ALDH5A1: variants seen among roughly 807,000 people sequenced by gnomAD.
ALDH5A1 encodes the protein aldehyde dehydrogenase 5 family member A1.
A neutral mutation model predicts 54.7 loss-of-function variants in ALDH5A1; 33 were observed. That is an observed-to-expected ratio of 0.60 (90% CI 0.46 to 0.81). ALDH5A1 has a LOEUF of 0.81. Among genes scored for constraint, ALDH5A1 ranks in the 30% least tolerant of loss-of-function variants. The pLI, the probability that ALDH5A1 is intolerant of heterozygous loss-of-function variation, is 0.00. For missense variants in ALDH5A1, 657 were observed against 711.0 expected (o/e 0.92, Z 0.86); for synonymous variants, 294 against 292.7 (o/e 1.00, Z -0.05).
chr6:24,519,104 GTTTTT>G (rs1759627675), intron 5 of ALDH5A1, among the ~76,000 whole-genome samples: 1 of 151,856 alleles, frequency 6.6e-6, no homozygotes, highest in South Asian at 2.1e-4. Context: ...GTTTTGTTTT[GTTTTT>G]GAGATGGAGT....
At chr6:24,531,310 G>C (rs1487718045) in intron 8 of ALDH5A1, among the ~76,000 whole-genome samples, 1 of 152,144 alleles carries the variant, frequency 6.6e-6, no homozygotes, top group African/African-American at 2.4e-5. Context: ...ATGTGAACTG[G>C]ACATTTTCAC....
intron 4 of ALDH5A1, among the ~76,000 whole-genome samples, chr6:24,512,596 T>C (rs2744590): frequency 3.9e-4 from 60 of 152,382 alleles, no homozygotes; most frequent in African/African-American, 1.3e-3. Context: ...GTTGTTCTTT[T>C]GTGTCTTGAT....
intron 1 of ALDH5A1, among the ~76,000 whole-genome samples, chr6:24,495,973 G>A (rs1317546497): frequency 1.3e-5 from 2 of 152,150 alleles, no homozygotes; most frequent in African/African-American, 4.8e-5. Flanking sequence ...GGGAGTAAGG[G>A]GTGGAGGGCC....
chr6:24,503,307 C>T lies in ALDH5A1; in HGVS notation c.483C>T (p.Ala161=). ...KEAHGEILYS[A]FFLEWFSEEA... Reference sequence around the variant, plus strand: ...CACATGGAGAAATTCTCTATTCCGCCTTTTTCCTAGAGTGGTTCTCTGAGG... The same window carrying T: ...CACATGGAGAAATTCTCTATTCCGCTTTTTTCCTAGAGTGGTTCTCTGAGG... Residue 161 remains alanine (A), a synonymous_variant, in exon 3 of 10, where the codon GCC becomes GCT. Transcript: ENST00000357578. The T allele has an allele frequency of 1.2e-6, 2 of 1,614,084 alleles. No homozygotes were observed. The highest frequency in any genetic ancestry group is 1.1e-5 in the South Asian group (1 of 91,074).
intron 8 of ALDH5A1, among the ~76,000 whole-genome samples, chr6:24,531,601 T>C (rs185539897): frequency 8.5e-5 from 13 of 152,302 alleles, no homozygotes; most frequent in Non-Finnish European, 1.5e-4. Context: ...GAAATAAAAT[T>C]TTAAAGCTAG....
intron 3 of ALDH5A1, 137 bp downstream of exon 3, chr6:24,503,570 G>A: frequency 1.9e-6 from 2 of 1,032,414 alleles, no homozygotes; most frequent in Non-Finnish European, 2.8e-6. Context: ...TGCTTTTGCT[G>A]GATGTGGAAG....
At position 24,509,038 on chromosome 6, in the gene ALDH5A1, T is replaced by C. The variant is rs998719790; in HGVS notation, c.726+4053T>C. Reference sequence around the variant, plus strand: ...TTAGTCCTTTGTCAGATGTATAGATTGTGAAGACTTTCTCCTGCTCTGTGG... The same window carrying C: ...TTAGTCCTTTGTCAGATGTATAGATCGTGAAGACTTTCTCCTGCTCTGTGG... On this transcript the variant is annotated intron_variant, in intron 4 of 9. Coordinates refer to ENST00000357578, the MANE Select transcript of ALDH5A1 (RefSeq NM_001080.3). This position sits in a 1 kb window ranked among gnomAD's most constrained non-coding sequence, Gnocchi z 4.7. 6.6e-6 allele frequency among the ~76,000 whole-genome samples: 1 copy of C among 152,224 alleles called. No homozygotes were observed. The highest frequency in any genetic ancestry group is 1.5e-5 in the Non-Finnish European group (1 of 68,038).
chr6:24,521,579 A>G (rs79257782), intron 6 of ALDH5A1, among the ~76,000 whole-genome samples: 4,128 of 152,338 alleles, frequency 0.027, 108 homozygotes, highest in African/African-American at 0.076. Context: ...TTCTCTATCA[A>G]ATAATTTTCA....
rs151057022 is a variant in ALDH5A1, at chr6:24,497,092, G to A, written c.354+1742G>A. Among the ~76,000 whole-genome samples the A allele has an allele frequency of 4.2e-3, 637 of 152,252 alleles. 8 individuals are homozygous for A. Among genetic ancestry groups the A allele is most frequent in the African/African-American group, 0.013 (553 of 41,538 alleles). ...GTGTTACAGCTCTTAAAGATGGCATGGACCCAAAGAATGAGTGGTAGCAAC... is the reference window on the plus strand; with the variant it reads ...GTGTTACAGCTCTTAAAGATGGCATAGACCCAAAGAATGAGTGGTAGCAAC... On this transcript the variant is annotated intron_variant, in intron 1 of 9. Coordinates refer to ENST00000357578, the MANE Select transcript of ALDH5A1 (RefSeq NM_001080.3).
rs1204957269 is a variant in ALDH5A1, at chr6:24,509,800, A to G, written c.726+4815A>G. On this transcript the variant is annotated intron_variant, in intron 4 of 9. Transcript: ENST00000357578. The surrounding 1 kb of genome is among the most constrained non-coding windows in gnomAD (Gnocchi z 4.7). Reference sequence around the variant, plus strand: ...TTGTATTTTTGTTTATTTCTATTTCATTTAGTTCTGCTCTGATCTTGGTTA... The same window carrying G: ...TTGTATTTTTGTTTATTTCTATTTCGTTTAGTTCTGCTCTGATCTTGGTTA... Among the ~76,000 whole-genome samples, 3 of 151,748 alleles carry G rather than the reference A, an allele frequency of 2.0e-5. No homozygotes were observed. The highest frequency in any genetic ancestry group is 2.9e-5 in the Non-Finnish European group (2 of 67,922).
At position 24,495,257 on chromosome 6, in the gene ALDH5A1, G is replaced by A; in HGVS notation, c.261G>A (p.Leu87=). The change falls in exon 1 of 10, where the codon CTG becomes CTA. Residue 87 remains leucine, a synonymous_variant. Coordinates refer to ENST00000357578, the MANE Select transcript of ALDH5A1 (RefSeq NM_001080.3). ...PVQDPASGAA[L]GMVADCGVRE... ...AAGACCCGGCCAGCGGCGCCGCTCT[G>A]GGCATGGTAGCCGACTGCGGGGTGC... 2.0e-6 allele frequency: 3 copies of A among 1,532,106 alleles called. No homozygotes were observed. Among genetic ancestry groups the A allele is most frequent in the Non-Finnish European group, 2.6e-6 (3 of 1,145,928 alleles). 94.9% of individuals were successfully genotyped at this position (1,532,106 alleles called of 1,614,324 possible).
chr6:24,507,558 C>T (rs1295154535), intron 4 of ALDH5A1, among the ~76,000 whole-genome samples: 2 of 151,942 alleles, frequency 1.3e-5, no homozygotes, highest in African/African-American at 4.8e-5. Flanking sequence ...TCTAGGTATG[C>T]AGTGTGCTCT....
At position 24,518,667 on chromosome 6, in the gene ALDH5A1, A is replaced by G. The variant is rs1010131102; in HGVS notation, c.871-1734A>G. Reference sequence around the variant, plus strand: ...CTACTTTGTTGAACAGTAATGTTTCAGAGAAGATTGTTACTACCATTTGAT... The same window carrying G: ...CTACTTTGTTGAACAGTAATGTTTCGGAGAAGATTGTTACTACCATTTGAT... On this transcript the variant is annotated intron_variant, in intron 5 of 9. Transcript: ENST00000357578. This position sits in a 1 kb window ranked among gnomAD's most constrained non-coding sequence, Gnocchi z 4.2. Among the ~76,000 whole-genome samples the G allele has an allele frequency of 3.3e-5, 5 of 152,246 alleles. No individual in the cohort carries two copies. The highest frequency in any genetic ancestry group is 1.2e-4 in the African/African-American group (5 of 41,470).
chr6:24,531,126 T>C (rs993099075), intron 8 of ALDH5A1, among the ~76,000 whole-genome samples: 1 of 152,250 alleles, frequency 6.6e-6, no homozygotes, highest in Non-Finnish European at 1.5e-5. Flanking sequence ...CAGAGACAGC[T>C]GGCAGCTGGT....
chr6:24,514,787 T>G (rs776208226), intron 4 of ALDH5A1, among the ~76,000 whole-genome samples: 35 of 152,014 alleles, frequency 2.3e-4, no homozygotes, highest in East Asian at 7.8e-4. Context: ...TTGTTTGTTT[T>G]TTTGAGACAG....
At position 24,495,256 on chromosome 6, in the gene ALDH5A1, T is replaced by C; in HGVS notation, c.260T>C (p.Leu87Pro). The C allele has an allele frequency of 6.5e-7, 1 of 1,529,560 alleles. No homozygotes were observed. The highest frequency in any genetic ancestry group is 1.4e-5 in the African/African-American group (1 of 72,168). 94.7% of individuals were successfully genotyped at this position (1,529,560 alleles called of 1,614,324 possible). A position where few individuals can be genotyped will look rare whatever the true frequency, so the allele number is the denominator to read the frequency against. The change falls in exon 1 of 10, where the codon CTG (leucine) becomes CCG (proline). Residue 87 changes from leucine to proline, a missense_variant. Physicochemically the swap from Leu to Pro is moderately conservative, Grantham distance 98. This residue lies in a region of ALDH5A1 where 232 missense variants were observed against 194.6 expected (regional missense o/e 1.19). Transcript: ENST00000357578. ...CAAGACCCGGCCAGCGGCGCCGCTC[T>C]GGGCATGGTAGCCGACTGCGGGGTG... ...PVQDPASGAA[L>P]GMVADCGVRE...
chr6:24,504,774 A>G, intron 3 of ALDH5A1, 95 bp from the exon 4 acceptor site: 1 of 1,230,166 alleles, frequency 8.1e-7, no homozygotes, highest in South Asian at 1.2e-5. Flanking sequence ...TCAGTTGTGC[A>G]ATGAAATTTG....
chr6:24,515,106 T>TC (rs1759539631), intron 4 of ALDH5A1, 61 bp from the exon 5 acceptor site: 9 of 1,378,946 alleles, frequency 6.5e-6, no homozygotes, highest in African/African-American at 1.5e-5. Flanking sequence ...TCTTTTCTTT[T>TC]TTTTTTTTTT....
chr6:24,522,028 G>A (rs1182463436), intron 6 of ALDH5A1, among the ~76,000 whole-genome samples: 1 of 151,988 alleles, frequency 6.6e-6, no homozygotes, highest in Non-Finnish European at 1.5e-5. Flanking sequence ...TCTATTTTTA[G>A]TAGAGATGGG....
Sources: allele counts gnomAD v4.1 joint callset (sites outside exome capture counted in the v4.1 genomes callset), GRCh38; gene constraint gnomAD v4.1.1; regional missense constraint gnomAD v4.1.1; non-coding constraint Gnocchi (gnomAD v3.1); transcripts MANE v1.5; gene names NCBI Gene and HGNC (gene_info 2026-07-23, HGNC 2026-07-21).